The following MAN1C1 variants were observed in gnomAD, a reference collection of about 807,000 sequenced individuals.
MAN1C1 encodes mannosidase alpha class 1C member 1.
In MAN1C1, 49 loss-of-function variants were observed where a neutral mutation model predicts 71.5. The observed-to-expected ratio is 0.69, with a 90% CI of 0.54 to 0.87. The LOEUF is 0.87. Ranked by LOEUF, MAN1C1 falls within the 40% of genes least tolerant of loss-of-function variation. The pLI is 0.00. For synonymous variants in MAN1C1, 352 were observed against 343.7 expected (o/e 1.02, Z -0.27); for missense variants, 743 against 835.0 (o/e 0.89, Z 1.36).
chr1:25,686,235 C>T (rs568620390), intron 1 of MAN1C1, among the ~76,000 whole-genome samples: 4 of 152,170 alleles, frequency 2.6e-5, no homozygotes, highest in African/African-American at 7.2e-5. Flanking sequence ...AGACACATGG[C>T]GTTGTCTAAG....
chr1:25,735,528 ATG>A lies in MAN1C1; in HGVS notation c.638-11138_638-11137del. 1.3e-5 allele frequency among the ~76,000 whole-genome samples: 2 copies of A among 152,114 alleles called. No homozygotes were observed. The highest frequency in any genetic ancestry group is 4.8e-5 in the African/African-American group (2 of 41,436). On this transcript the variant is annotated intron_variant, in intron 2 of 11. Coordinates refer to ENST00000374332, the MANE Select transcript of MAN1C1 (RefSeq NM_020379.4). The surrounding 1 kb of genome is among the most constrained non-coding windows in gnomAD (Gnocchi z 4.6). ...TGTATGTGTGTGTATATATATGTGTATGTATATGTGTATGTATATATGTATAT... is the reference window on the plus strand; with the variant it reads ...TGTATGTGTGTGTATATATATGTGTATATATGTGTATGTATATATGTATAT...
intron 1 of MAN1C1, among the ~76,000 whole-genome samples, chr1:25,672,902 G>A (rs991599136): frequency 6.6e-6 from 1 of 152,158 alleles, no homozygotes; most frequent in Non-Finnish European, 1.5e-5. Context: ...GGCGGTTGGA[G>A]GCTCTTACAC....
At chr1:25,752,961 C>G (rs2047236116) in intron 4 of MAN1C1, among the ~76,000 whole-genome samples, 1 of 152,222 alleles carries the variant, frequency 6.6e-6, no homozygotes, top group Admixed American at 6.5e-5. Context: ...GCTCCCAGTT[C>G]AGTGCTCTTG....
rs138455560 is a variant in MAN1C1, at chr1:25,783,400, C to T, written c.1767-263C>T. Among the ~76,000 whole-genome samples, 38 of 152,286 alleles carry T rather than the reference C, an allele frequency of 2.5e-4. No individual in the cohort carries two copies. In the East Asian group the frequency reaches 4.4e-3, roughly 18 times the overall value. ...GACCATAAGGGCTCACATACAGGGC[C>T]GGGCAGGTGAAGCTGGCTGATGGCA... On this transcript the variant is annotated intron_variant, in intron 11 of 11. Coordinates refer to ENST00000374332, the MANE Select transcript of MAN1C1 (RefSeq NM_020379.4).
intron 2 of MAN1C1, among the ~76,000 whole-genome samples, chr1:25,710,795 A>G (rs985902505): frequency 6.6e-6 from 1 of 152,208 alleles, no homozygotes; most frequent in African/African-American, 2.4e-5. Flanking sequence ...CTTAGTAAAG[A>G]TGAAAACAAT....
intron 2 of MAN1C1, among the ~76,000 whole-genome samples, chr1:25,698,706 C>T (rs1467409144): frequency 6.6e-6 from 1 of 152,096 alleles, no homozygotes; most frequent in Non-Finnish European, 1.5e-5. Context: ...AATCCCAGCA[C>T]TTTGGGAGGT....
chr1:25,686,154 C>T (rs2046227730), intron 1 of MAN1C1, among the ~76,000 whole-genome samples: 1 of 152,218 alleles, frequency 6.6e-6, no homozygotes, highest in Non-Finnish European at 1.5e-5. Flanking sequence ...TGACTTTTCA[C>T]TTTGGCACTG....
chr1:25,666,700 G>A (rs2045929301), intron 1 of MAN1C1, among the ~76,000 whole-genome samples: 1 of 152,204 alleles, frequency 6.6e-6, no homozygotes, highest in Non-Finnish European at 1.5e-5. Flanking sequence ...GAGAAAACCT[G>A]ATGGTTTCCT....
At position 25,782,570 on chromosome 1, in the gene MAN1C1, C is replaced by T; in HGVS notation, c.1651-15C>T. 4 of 1,591,082 alleles carry T rather than the reference C, an allele frequency of 2.5e-6. No individual in the cohort carries two copies. The highest frequency in any genetic ancestry group is 3.5e-6 in the Non-Finnish European group (4 of 1,159,098). ...GTGTTAAGGCTGTTTTCCTCCTCCT[C>T]TTCCCCTTCCTCAGGCCTTGGAGAA... is the stretch of plus-strand genomic sequence containing the variant. On this transcript the variant is annotated splice_polypyrimidine_tract_variant and intron_variant, in intron 10 of 11. Transcript: ENST00000374332. The surrounding 1 kb of genome is among the most constrained non-coding windows in gnomAD (Gnocchi z 4.4).
Position 25,746,853 on chromosome 1 carries a change from G to C in MAN1C1, c.753+70G>C, listed in dbSNP as rs1446302663. On this transcript the variant is annotated intron_variant, in intron 3 of 11. Transcript: ENST00000374332. The surrounding 1 kb of genome is among the most constrained non-coding windows in gnomAD (Gnocchi z 4.0). ...GAGGCCCAACAGCCAGCTTCACCCT[G>C]TCATCTCTGAGACCCAGAGATGTTG... The C allele has an allele frequency of 1.9e-6, 2 of 1,055,204 alleles. No individual in the cohort carries two copies. Among genetic ancestry groups the C allele is most frequent in the Admixed American group, 2.2e-5 (1 of 44,770 alleles). The allele number at this position is 1,055,204 out of a possible 1,614,324, so 65.4% of individuals were successfully genotyped here. A position where few individuals can be genotyped will look rare whatever the true frequency, so the allele number is the denominator to read the frequency against.
rs1459240827 is a variant in MAN1C1 at position 25,782,396 on chromosome 1, G to A, written c.1651-189G>A. Reference sequence around the variant, plus strand: ...AAGGAGTGTGGCCCCTCCAGCCTGGGGACAGGTGGCTAAACCCCGAAAGAA... The same window carrying A: ...AAGGAGTGTGGCCCCTCCAGCCTGGAGACAGGTGGCTAAACCCCGAAAGAA... On this transcript the variant is annotated intron_variant, in intron 10 of 11. Transcript: ENST00000374332. The surrounding 1 kb of genome is among the most constrained non-coding windows in gnomAD (Gnocchi z 4.4). 6.6e-6 allele frequency among the ~76,000 whole-genome samples: 1 copy of A among 152,134 alleles called. No individual in the cohort carries two copies. The highest frequency in any genetic ancestry group is 2.4e-5 in the African/African-American group (1 of 41,428).
intron 6 of MAN1C1, among the ~76,000 whole-genome samples, chr1:25,762,643 G>T (rs903423235): frequency 1.3e-5 from 2 of 151,566 alleles, no homozygotes; most frequent in African/African-American, 4.9e-5. Flanking sequence ...GCCACGGCTG[G>T]TCTCAAACTC....
At chr1:25,759,632 C>T (rs372327409) in intron 6 of MAN1C1, 1 of 152,210 alleles carries the variant, frequency 6.6e-6, no homozygotes, top group Admixed American at 6.5e-5. Flanking sequence ...AGTATCATGT[C>T]GCCATCCAGC....
chr1:25,769,056 TAC>T lies in MAN1C1; in HGVS notation c.1142-2596_1142-2595del, dbSNP rs1339102518. ...ACACCACCCACACTCCCACACACAC[TAC>T]ACACCACCCACACTCCCACACACAC... is the stretch of plus-strand genomic sequence containing the variant. On this transcript the variant is annotated intron_variant, in intron 7 of 11. Coordinates refer to ENST00000374332, the MANE Select transcript of MAN1C1 (RefSeq NM_020379.4). The surrounding 1 kb of genome is among the most constrained non-coding windows in gnomAD (Gnocchi z 4.8). Among the ~76,000 whole-genome samples the T allele has an allele frequency of 9.6e-6, 1 of 103,812 alleles. No homozygotes were observed. The highest frequency in any genetic ancestry group is 3.5e-4 in the East Asian group (1 of 2,884). 68.1% of individuals were successfully genotyped at this position (103,812 alleles called of 152,430 possible).
chr1:25,682,899 G>T (rs1034033210), intron 1 of MAN1C1, among the ~76,000 whole-genome samples: 1 of 152,054 alleles, frequency 6.6e-6, no homozygotes, highest in Non-Finnish European at 1.5e-5. Context: ...TTAGCTGAGC[G>T]TGGTGGCACG....
intron 5 of MAN1C1, among the ~76,000 whole-genome samples, chr1:25,754,604 A>G (rs969022118): frequency 9.9e-5 from 15 of 151,654 alleles, no homozygotes; most frequent in African/African-American, 3.6e-4. Context: ...TCAGAGCTGG[A>G]CTCCTGGATC....
At chr1:25,718,135 A>T (rs1404181666) in intron 2 of MAN1C1, among the ~76,000 whole-genome samples, 1 of 152,124 alleles carries the variant, frequency 6.6e-6, no homozygotes, top group Admixed American at 6.6e-5. Context: ...CTCATATAGT[A>T]TGATTTCCTT....
At chr1:25,774,040 A>G (rs2047588370) in intron 8 of MAN1C1, among the ~76,000 whole-genome samples, 1 of 152,154 alleles carries the variant, frequency 6.6e-6, no homozygotes, top group Non-Finnish European at 1.5e-5. Context: ...ACCACCCACC[A>G]AAGACCTTCA....
intron 7 of MAN1C1, among the ~76,000 whole-genome samples, chr1:25,771,307 A>G (rs1428999213): frequency 6.6e-6 from 1 of 152,076 alleles, no homozygotes; most frequent in African/African-American, 2.4e-5. Context: ...AAATCTCTGA[A>G]CTCCCTGCCA....
Sources: allele counts gnomAD v4.1 joint callset (sites outside exome capture counted in the v4.1 genomes callset), GRCh38; gene constraint gnomAD v4.1.1; non-coding constraint Gnocchi (gnomAD v3.1); transcripts MANE v1.5; gene names NCBI Gene and HGNC (gene_info 2026-07-23, HGNC 2026-07-21).